The following FBXO16 variants were observed in gnomAD, a reference collection of about 807,000 sequenced individuals.
FBXO16 encodes the protein F-box only protein 16.
FBXO16 carries 31 observed loss-of-function variants against 41.0 expected under a neutral mutation model. That is an observed-to-expected ratio of 0.76 (90% CI 0.57 to 1.02). FBXO16 has a LOEUF of 1.02. Ranked by LOEUF, FBXO16 falls within the 50% of genes least tolerant of loss-of-function variation. The probability of loss-of-function intolerance (pLI) is 0.00; values close to 1 mark genes in which losing one functional copy is unlikely to be tolerated. For missense variants in FBXO16, 361 were observed against 346.2 expected, an observed-to-expected ratio of 1.04 and a Z score of -0.34; for synonymous variants, 133 against 117.8, an observed-to-expected ratio of 1.13 and a Z score of -0.84.
intron 6 of FBXO16, 56 bp from the exon 7 acceptor site, chr8:28,447,329 G>T: frequency 1.4e-6 from 2 of 1,408,550 alleles, no homozygotes; most frequent in African/African-American, 1.4e-5. Flanking sequence ...AACTCAGGTG[G>T]TTTGCATAGC....
chr8:28,456,575 G>C, intron 5 of FBXO16, 191 bp downstream of exon 5: 2 of 619,510 alleles, frequency 3.2e-6, no homozygotes, highest in East Asian at 5.8e-5. Context: ...AGTGGCAAAT[G>C]AGGGCTCTCA....
At position 28,463,785 on chromosome 8, in the gene FBXO16, T is replaced by G; in HGVS notation, c.169A>C (p.Ile57Leu). 6.2e-7 allele frequency: 1 copy of G among 1,614,004 alleles called. No homozygotes were observed. Among genetic ancestry groups the G allele is most frequent in the Non-Finnish European group, 8.5e-7 (1 of 1,179,930 alleles). ...CAGCGCTCCAACAGGCCTGTGAGGA[T>G]TCTTCTTCTTTGAGAGTCTGTCCAT... ...DKWTDSQRRR[I>L]LTGLLERCSL... Residue 57 changes from isoleucine (I) to leucine (L), a missense_variant, in exon 4 of 9, where the codon ATC becomes CTC. By Grantham distance (5) the Ile-to-Leu change is conservative. Coordinates refer to ENST00000380254, the MANE Select transcript of FBXO16 (RefSeq NM_172366.4).
intron 7 of FBXO16, 101 bp downstream of exon 7, chr8:28,447,070 G>T: frequency 1.8e-6 from 2 of 1,108,602 alleles, no homozygotes; most frequent in Non-Finnish European, 2.6e-6. Context: ...ACCACTCCAT[G>T]ATTCTGATTA....
chr8:28,461,693 A>G (rs768115169), intron 4 of FBXO16, among the ~76,000 whole-genome samples: 1 of 151,848 alleles, frequency 6.6e-6, no homozygotes, highest in Non-Finnish European at 1.5e-5. Context: ...AGAATATTTT[A>G]ATTTTTATAG....
chr8:28,457,120 T>C (rs1803052355), intron 4 of FBXO16, among the ~76,000 whole-genome samples, 190 bp from the exon 5 acceptor site: 1 of 152,200 alleles, frequency 6.6e-6, no homozygotes, highest in African/African-American at 2.4e-5. Flanking sequence ...TAAAGTAAAG[T>C]AGCATTTGCT....
At chr8:28,448,030 T>C (rs1295138798) in intron 6 of FBXO16, among the ~76,000 whole-genome samples, 1 of 151,964 alleles carries the variant, frequency 6.6e-6, no homozygotes, top group East Asian at 1.9e-4. Flanking sequence ...AGGATTCCCA[T>C]GTGAACTGAT....
At chr8:28,446,881 A>C (rs1313574184) in intron 7 of FBXO16, 1 of 207,962 alleles carries the variant, frequency 4.8e-6, no homozygotes, top group African/African-American at 2.3e-5. Flanking sequence ...TTAAACAAAC[A>C]AACAAAAAAA....
chr8:28,451,533 G>A (rs540390794), intron 6 of FBXO16, among the ~76,000 whole-genome samples: 4 of 150,494 alleles, frequency 2.7e-5, no homozygotes, highest in South Asian at 2.1e-4. Flanking sequence ...CTTTACTTTC[G>A]GAATGTATTT....
intron 7 of FBXO16, among the ~76,000 whole-genome samples, chr8:28,432,065 C>G (rs766401327): frequency 5.4e-4 from 82 of 151,772 alleles, no homozygotes; most frequent in Admixed American, 1.2e-3. Flanking sequence ...TTTCACACAA[C>G]TGGCAGCATG....
chr8:28,486,455 C>T (rs1803603761), intron 1 of FBXO16, among the ~76,000 whole-genome samples: 1 of 152,006 alleles, frequency 6.6e-6, no homozygotes, highest in African/African-American at 2.4e-5. Flanking sequence ...AACTCCTGAC[C>T]TCAGGTGATC....
intron 7 of FBXO16, among the ~76,000 whole-genome samples, chr8:28,442,387 T>C (rs1019505494): frequency 6.6e-6 from 1 of 151,918 alleles, no homozygotes; most frequent in African/African-American, 2.4e-5. Flanking sequence ...TATTCCCATC[T>C]TTTTTCTTCT....
intron 5 of FBXO16, among the ~76,000 whole-genome samples, chr8:28,454,676 C>T (rs1459973319): frequency 4.3e-5 from 6 of 140,918 alleles, no homozygotes; most frequent in African/African-American, 1.4e-4. Flanking sequence ...TGCAGTGAGC[C>T]GAGATGGCGC....
At chr8:28,465,638 A>T (rs1006982653) in intron 3 of FBXO16, among the ~76,000 whole-genome samples, 3 of 151,976 alleles carry the variant, frequency 2.0e-5, no homozygotes, top group Admixed American at 1.3e-4. Flanking sequence ...AAAATAAAAA[A>T]TTTTTAAAAA....
intron 7 of FBXO16, among the ~76,000 whole-genome samples, chr8:28,433,610 A>T (rs985073185): frequency 6.6e-6 from 1 of 152,196 alleles, no homozygotes; most frequent in Admixed American, 6.5e-5. Context: ...TCTTGAGGGC[A>T]GGGGCTGTAT....
chr8:28,449,479 A>T (rs1802918446), intron 6 of FBXO16, among the ~76,000 whole-genome samples: 1 of 151,552 alleles, frequency 6.6e-6, no homozygotes, highest in Non-Finnish European at 1.5e-5. Flanking sequence ...GCAACATCAC[A>T]TTTGGCTAAT....
chr8:28,465,411 C>T, intron 3 of FBXO16: 1 of 451,044 alleles, frequency 2.2e-6, no homozygotes, highest in South Asian at 1.6e-5. Flanking sequence ...TCTCTTGAGC[C>T]CAGGAATTTG....
At chr8:28,483,806 C>T (rs529070937) in intron 1 of FBXO16, among the ~76,000 whole-genome samples, 63 of 152,302 alleles carry the variant, frequency 4.1e-4, no homozygotes, top group Non-Finnish European at 1.2e-4. Context: ...CACCACTGTA[C>T]TCCAGCCTGG....
rs1340257823 is a variant in FBXO16, at chr8:28,461,755, A to G, written c.342+1857T>C. ...TTCTTGCTCACGATACATAAAATGAAGAAAGCAAGATTTTAAATTGCATAT... is the reference window on the plus strand; with the variant it reads ...TTCTTGCTCACGATACATAAAATGAGGAAAGCAAGATTTTAAATTGCATAT... On this transcript the variant is annotated intron_variant, in intron 4 of 8. Coordinates refer to ENST00000380254, the MANE Select transcript of FBXO16 (RefSeq NM_172366.4). Among the ~76,000 whole-genome samples the G allele has an allele frequency of 3.9e-5, 6 of 152,334 alleles. No homozygotes were observed. In the East Asian group the frequency reaches 5.8e-4, roughly 15 times the overall value.
At chr8:28,446,457 G>A (rs935245619) in intron 7 of FBXO16, among the ~76,000 whole-genome samples, 1 of 151,554 alleles carries the variant, frequency 6.6e-6, no homozygotes, top group African/African-American at 2.4e-5. Context: ...ACAGGCGTGA[G>A]CCACCATGCC....
Sources: allele counts gnomAD v4.1 joint callset (sites outside exome capture counted in the v4.1 genomes callset), GRCh38; gene constraint gnomAD v4.1.1; transcripts MANE v1.5; gene names NCBI Gene and HGNC (gene_info 2026-07-23, HGNC 2026-07-21).